The following CSMD1 variants were observed in gnomAD, a reference collection of about 807,000 sequenced individuals.
CSMD1 encodes CUB and sushi domain-containing protein 1.
Under a neutral mutation model 417.5 loss-of-function variants are expected in CSMD1, and 213 were observed. The observed-to-expected ratio is 0.51, with a 90% CI of 0.46 to 0.57. The LOEUF is 0.57. Ranked by LOEUF, CSMD1 falls within the 20% of genes least tolerant of loss-of-function variation. The pLI is 0.00. For synonymous variants in CSMD1, 2,862 were observed against 1,736.8 expected, an observed-to-expected ratio of 1.65 and a Z score of -16.11; for missense variants, 6,923 against 4,529.7, an observed-to-expected ratio of 1.53 and a Z score of -15.17.
chr8:3,750,822 A>C (rs999078388), intron 6 of CSMD1, among the ~76,000 whole-genome samples: 1 of 152,132 alleles, frequency 6.6e-6, no homozygotes, highest in Admixed American at 6.5e-5. Context: ...AGCTGTCCTT[A>C]GGTTTGTTCT....
intron 2 of CSMD1, among the ~76,000 whole-genome samples, chr8:4,630,097 C>T (rs1381605718): frequency 6.6e-6 from 1 of 152,072 alleles, no homozygotes; most frequent in South Asian, 2.1e-4. Context: ...GCAAAACACA[C>T]CACCACAGCA....
chr8:4,345,714 T>C (rs566397820), intron 3 of CSMD1, among the ~76,000 whole-genome samples: 1 of 152,208 alleles, frequency 6.6e-6, no homozygotes, highest in African/African-American at 2.4e-5. Flanking sequence ...AGGCTCAACG[T>C]CATGAATTAT....
chr8:2,952,101 T>C (rs596303), intron 65 of CSMD1, among the ~76,000 whole-genome samples: 23,737 of 152,174 alleles, frequency 0.16, 2,020 homozygotes, highest in East Asian at 0.3. Context: ...ATCCTGCCAT[T>C]TTCACACATA....
Position 4,045,791 on chromosome 8 carries a change from C to T in CSMD1, c.416-13692G>A, listed in dbSNP as rs115449754. 3.4e-3 allele frequency among the ~76,000 whole-genome samples: 517 copies of T among 152,200 alleles called. 2 individuals carry two copies. The highest frequency in any genetic ancestry group is 0.012 in the African/African-American group (502 of 41,540). ...AAATTACACACTTTAAAGCTATTTCCAGACATTGTGAGACATGGCTTCTCA... is the reference window on the plus strand; with the variant it reads ...AAATTACACACTTTAAAGCTATTTCTAGACATTGTGAGACATGGCTTCTCA... On this transcript the variant is annotated intron_variant, in intron 3 of 69. Transcript: ENST00000635120.
At chr8:4,938,962 G>A (rs545578766) in intron 1 of CSMD1, among the ~76,000 whole-genome samples, 1 of 152,136 alleles carries the variant, frequency 6.6e-6, no homozygotes, top group Admixed American at 6.5e-5. Flanking sequence ...TGTTATTCTA[G>A]TCCTTTGTCC....
At chr8:3,671,496 C>CAT (rs200669319) in intron 7 of CSMD1, among the ~76,000 whole-genome samples, 151 of 12,350 alleles carry the variant, frequency 0.012, 24 homozygotes, top group African/African-American at 0.057. Context: ...TATATATGAT[C>CAT]ATATATATAT....
rs112678507 is a variant in CSMD1 at position 4,933,062 on chromosome 8, T to G, written c.85+61270A>C. Among the ~76,000 whole-genome samples, 618 of 151,778 alleles carry G rather than the reference T, an allele frequency of 4.1e-3. 3 individuals are homozygous for G. Among genetic ancestry groups the G allele is most frequent in the African/African-American group, 0.014 (576 of 41,562 alleles). On this transcript the variant is annotated intron_variant, in intron 1 of 69. Transcript: ENST00000635120. ...TTTTTAACTTCAAGGAATCAGGTAA[T>G]CAATAGCACTTTCTTTTGCGGCTTG...
chr8:3,227,627 T>C (rs1351287498), intron 27 of CSMD1, among the ~76,000 whole-genome samples: 1 of 152,152 alleles, frequency 6.6e-6, no homozygotes, highest in Non-Finnish European at 1.5e-5. Flanking sequence ...ATCAGTGGTG[T>C]AGTTGTGCCT....
intron 1 of CSMD1, among the ~76,000 whole-genome samples, chr8:4,719,051 GA>G (rs1337465337): frequency 4.6e-5 from 7 of 151,620 alleles, no homozygotes; most frequent in South Asian, 2.1e-4. Flanking sequence ...CACTGGTGAA[GA>G]AAAAAAAGAG....
At chr8:4,706,494 G>T (rs748377318) in intron 1 of CSMD1, among the ~76,000 whole-genome samples, 18 of 152,092 alleles carry the variant, frequency 1.2e-4, no homozygotes, top group Non-Finnish European at 2.4e-4. Flanking sequence ...AGTAAATATA[G>T]CATTAAATAC....
chr8:4,075,849 C>T (rs1208547044), intron 3 of CSMD1, among the ~76,000 whole-genome samples: 1 of 152,126 alleles, frequency 6.6e-6, no homozygotes, highest in African/African-American at 2.4e-5. Context: ...GGCTATTGTC[C>T]TCAGGGAGCC....
At chr8:3,638,418 T>G (rs949205660) in intron 7 of CSMD1, among the ~76,000 whole-genome samples, 6 of 151,932 alleles carry the variant, frequency 3.9e-5, no homozygotes, top group Non-Finnish European at 7.4e-5. Flanking sequence ...GGTCCTAGTT[T>G]TGCCCACCGC....
intron 18 of CSMD1, among the ~76,000 whole-genome samples, chr8:3,380,195 T>C (rs547893523): frequency 7.2e-5 from 11 of 152,176 alleles, no homozygotes; most frequent in East Asian, 1.9e-4. Context: ...TGAGACACAG[T>C]CTCACAACCG....
chr8:4,449,939 C>T (rs778193302), intron 2 of CSMD1, among the ~76,000 whole-genome samples: 10 of 152,320 alleles, frequency 6.6e-5, no homozygotes, highest in African/African-American at 2.2e-4. Context: ...ACAGAAGATG[C>T]TCAATTTTGC....
Position 3,586,242 on chromosome 8 carries a change from C to T in CSMD1, c.1116G>A (p.Gln372=), listed in dbSNP as rs1256876819. 6.2e-7 allele frequency: 1 copy of T among 1,608,934 alleles called. No homozygotes were observed. ...GCACGTAATTGTCCTCACATGAAAA[C>T]TGTACATTTGCACCAACCCTAAGCC... ...GSDFRVGANV[Q]FSCEDNYVLQ... The change falls in exon 9 of 70, where the codon CAG becomes CAA. Residue 372 remains glutamine, a synonymous_variant. Coordinates refer to ENST00000635120, the MANE Select transcript of CSMD1 (RefSeq NM_033225.6).
chr8:4,077,533 C>T (rs1430045385), intron 3 of CSMD1, among the ~76,000 whole-genome samples: 1 of 151,968 alleles, frequency 6.6e-6, no homozygotes, highest in Non-Finnish European at 1.5e-5. Context: ...ACACTGAAGT[C>T]ACTCTGGTCA....
chr8:4,639,947 T>G (rs555937698), intron 1 of CSMD1, among the ~76,000 whole-genome samples: 1 of 152,214 alleles, frequency 6.6e-6, no homozygotes, highest in Admixed American at 6.5e-5. Flanking sequence ...TTTTGAAAGG[T>G]TTTTAAAGAA....
chr8:3,301,056 C>A (rs1161316116), intron 25 of CSMD1, among the ~76,000 whole-genome samples: 3 of 150,004 alleles, frequency 2.0e-5, no homozygotes, highest in African/African-American at 4.9e-5. Flanking sequence ...CCACACCACA[C>A]AATATACATT....
chr8:3,956,474 C>T (rs1301118864), intron 5 of CSMD1, among the ~76,000 whole-genome samples: 1 of 152,084 alleles, frequency 6.6e-6, no homozygotes, highest in Non-Finnish European at 1.5e-5. Flanking sequence ...TAATCATCCA[C>T]GTACATTCCT....
Sources: allele counts gnomAD v4.1 joint callset (sites outside exome capture counted in the v4.1 genomes callset), GRCh38; gene constraint gnomAD v4.1.1; transcripts MANE v1.5; gene names NCBI Gene and HGNC (gene_info 2026-07-23, HGNC 2026-07-21).